The following ASB15 variants were observed in gnomAD, a reference collection of about 807,000 sequenced individuals.
ASB15 encodes the protein ankyrin repeat and SOCS box containing 15.
Under a neutral mutation model 58.0 loss-of-function variants are expected in ASB15, and 54 were observed. The observed-to-expected ratio is 0.93, with a 90% CI of 0.75 to 1.17. The LOEUF is 1.17. Ranked by LOEUF, ASB15 falls within the 50% of genes most tolerant of loss-of-function variation. The pLI, the probability that ASB15 is intolerant of heterozygous loss-of-function variation, is 0.00. For missense variants in ASB15, 680 were observed against 707.4 expected, an observed-to-expected ratio of 0.96 and a Z score of 0.44; for synonymous variants, 249 against 262.4, an observed-to-expected ratio of 0.95 and a Z score of 0.50.
At chr7:123,603,814 C>T (rs964659819) in intron 1 of ASB15, among the ~76,000 whole-genome samples, 4 of 152,126 alleles carry the variant, frequency 2.6e-5, no homozygotes, top group Admixed American at 6.6e-5. Context: ...GGAAAACATA[C>T]GACTTGTAGA....
At chr7:123,589,783 T>A (rs1799482483) in intron 1 of ASB15, among the ~76,000 whole-genome samples, 1 of 152,178 alleles carries the variant, frequency 6.6e-6, no homozygotes, top group Non-Finnish European at 1.5e-5. Flanking sequence ...TAAACATATG[T>A]GTGCATGTGT....
chr7:123,636,404 T>C (rs998453115), intron 11 of ASB15, among the ~76,000 whole-genome samples: 8 of 152,234 alleles, frequency 5.3e-5, no homozygotes, highest in African/African-American at 1.9e-4. Flanking sequence ...CGATGTTTCA[T>C]GGATAGTTAT....
At chr7:123,636,764 C>T (rs1802446369) in intron 11 of ASB15, 45 bp from the exon 12 acceptor site, 3 of 1,504,880 alleles carry the variant, frequency 2.0e-6, no homozygotes, top group Non-Finnish European at 2.7e-6. Context: ...GGGGCCAATC[C>T]ACTATTTAAA....
intron 1 of ASB15, among the ~76,000 whole-genome samples, chr7:123,567,345 T>C (rs1009576882): frequency 1.3e-5 from 2 of 152,128 alleles, no homozygotes; most frequent in African/African-American, 4.8e-5. Flanking sequence ...GAGATGAATG[T>C]TGGGAAGTTC....
At chr7:123,574,301 C>G (rs1374243529) in intron 1 of ASB15, among the ~76,000 whole-genome samples, 1 of 151,634 alleles carries the variant, frequency 6.6e-6, no homozygotes, top group African/African-American at 2.4e-5. Flanking sequence ...TTCTAAGCAT[C>G]TGTTTAGCCC....
At chr7:123,567,194 G>T (rs1327056331) in intron 1 of ASB15, 2 of 152,192 alleles carry the variant, frequency 1.3e-5, no homozygotes, top group African/African-American at 4.8e-5. Context: ...GCTAGTGATA[G>T]TAGAATTAGG....
chr7:123,612,141 T>TC (rs1337300147), intron 3 of ASB15: 8 of 151,870 alleles, frequency 5.3e-5, no homozygotes, highest in Non-Finnish European at 1.2e-4. Context: ...AGCCATACAA[T>TC]CCCCCCTATC....
In ASB15 at chr7:123,637,131, T is replaced by C. The variant is rs1562945852; in HGVS notation, c.*150T>C. ...ATCATGTGTTCTTATGGGAACACCA[T>C]GATTTATGTCTTTAAAGACATTTGC... On this transcript the variant is annotated 3_prime_UTR_variant, in exon 12 of 12. Coordinates refer to ENST00000451215, the MANE Select transcript of ASB15 (RefSeq NM_001290258.2). The C allele has an allele frequency of 1.9e-6, 1 of 522,418 alleles. No homozygotes were observed. The highest frequency in any genetic ancestry group is 3.3e-6 in the Non-Finnish European group (1 of 303,996). The allele number at this position is 522,418 out of a possible 1,614,324, so 32.4% of individuals were successfully genotyped here. A position where few individuals can be genotyped will look rare whatever the true frequency, so the allele number is the denominator to read the frequency against.
chr7:123,607,235 G>A (rs932366030), intron 2 of ASB15, among the ~76,000 whole-genome samples: 1 of 152,090 alleles, frequency 6.6e-6, no homozygotes, highest in Non-Finnish European at 1.5e-5. Flanking sequence ...CTTAAAAGTG[G>A]TTAGTCATAT....
intron 8 of ASB15, 32 bp downstream of exon 8, chr7:123,624,846 T>A: frequency 6.3e-7 from 1 of 1,595,988 alleles, no homozygotes; most frequent in Non-Finnish European, 8.6e-7. Flanking sequence ...TTCCTGACTT[T>A]TGTCCTGCCT....
chr7:123,611,082 C>CAAAAA (rs34527165), intron 3 of ASB15, among the ~76,000 whole-genome samples: 292 of 81,262 alleles, frequency 3.6e-3, no homozygotes, highest in Non-Finnish European at 4.5e-3. Context: ...AACTCCATCT[C>CAAAAA]AAAAAAAAAA....
chr7:123,601,061 G>C (rs1174457760), upstream of ASB15, among the ~76,000 whole-genome samples: 1 of 152,162 alleles, frequency 6.6e-6, no homozygotes, highest in African/African-American at 2.4e-5. Context: ...TTTTAGTAGG[G>C]GGGTGTAGGG....
chr7:123,625,174 G>C (rs1310230641), intron 8 of ASB15, among the ~76,000 whole-genome samples: 1 of 152,168 alleles, frequency 6.6e-6, no homozygotes, highest in Non-Finnish European at 1.5e-5. Context: ...AGGATTGAAA[G>C]ATCGTATTTA....
chr7:123,630,184 T>C (rs1375050339), intron 11 of ASB15, 65 bp downstream of exon 11: 8 of 1,254,780 alleles, frequency 6.4e-6, no homozygotes, highest in Non-Finnish European at 8.8e-6. Flanking sequence ...AATTTCTTAA[T>C]GTCTTCTTTG....
upstream of ASB15, among the ~76,000 whole-genome samples, chr7:123,597,740 A>G (rs12706541): frequency 0.3 from 45,097 of 151,972 alleles, 6,843 homozygotes; most frequent in East Asian, 0.4. Context: ...CTGAGGCAGG[A>G]GAATTGCTTG....
chr7:123,600,837 G>A (rs1325045213), upstream of ASB15, among the ~76,000 whole-genome samples: 1 of 152,126 alleles, frequency 6.6e-6, no homozygotes, highest in Non-Finnish European at 1.5e-5. Flanking sequence ...CATTAACACT[G>A]AGTACAAAGA....
chr7:123,598,497 C>T (rs1767375682), upstream of ASB15, among the ~76,000 whole-genome samples: 1 of 151,372 alleles, frequency 6.6e-6, no homozygotes, highest in South Asian at 2.1e-4. Context: ...ACTTTGTTCG[C>T]AAAAGGAAAA....
At chr7:123,622,750 T>C (rs965241722) in intron 7 of ASB15, 17 of 152,230 alleles carry the variant, frequency 1.1e-4, no homozygotes, top group Admixed American at 8.5e-4. Context: ...ACTTGATGTT[T>C]GCTCTGCAAT....
At chr7:123,615,136 T>C (rs1800718447) in intron 4 of ASB15, among the ~76,000 whole-genome samples, 1 of 152,154 alleles carries the variant, frequency 6.6e-6, no homozygotes. Flanking sequence ...CAAAGTAATA[T>C]ACAAACTACC....
Sources: allele counts gnomAD v4.1 joint callset (sites outside exome capture counted in the v4.1 genomes callset), GRCh38; gene constraint gnomAD v4.1.1; transcripts MANE v1.5; gene names NCBI Gene and HGNC (gene_info 2026-07-23, HGNC 2026-07-21).